The following GADL1 variants were observed in gnomAD, a reference collection of about 807,000 sequenced individuals.
GADL1 encodes GAD like acidic amino acid decarboxylase 1.
A neutral mutation model predicts 69.5 loss-of-function variants in GADL1; 71 were observed. The observed-to-expected ratio is 1.02, with a 90% CI of 0.84 to 1.25. The LOEUF (loss-of-function observed/expected upper bound fraction) is 1.25. Ranked by LOEUF, GADL1 falls within the 50% of genes most tolerant of loss-of-function variation. GADL1 has a pLI of 0.00. For missense variants in GADL1, 737 were observed against 631.8 expected (o/e 1.17, Z -1.79); for synonymous variants, 254 against 214.4 (o/e 1.18, Z -1.62).
chr3:30,884,991 T>C (rs1378843186), intron 1 of GADL1, among the ~76,000 whole-genome samples: 1 of 152,054 alleles, frequency 6.6e-6, no homozygotes, highest in African/African-American at 2.4e-5. Context: ...ATCAGAATAA[T>C]GTTCAAACTT....
chr3:30,889,891 A>C (rs1698764118), intron 1 of GADL1, among the ~76,000 whole-genome samples: 2 of 152,234 alleles, frequency 1.3e-5, no homozygotes, highest in Non-Finnish European at 2.9e-5. Flanking sequence ...CATAAGAATC[A>C]GAAATATAAT....
intron 1 of GADL1, among the ~76,000 whole-genome samples, chr3:30,889,865 G>A (rs7648010): frequency 0.03 from 4,576 of 152,170 alleles, 194 homozygotes; most frequent in African/African-American, 0.094. Flanking sequence ...CCTTGTAAAA[G>A]CAATGCAAAT....
chr3:30,756,581 G>C (rs370335394), intron 14 of GADL1, among the ~76,000 whole-genome samples: 1 of 151,934 alleles, frequency 6.6e-6, no homozygotes, highest in African/African-American at 2.4e-5. Context: ...AGAAGTAATC[G>C]TGTGCTAAAT....
intron 14 of GADL1, among the ~76,000 whole-genome samples, chr3:30,764,519 T>A (rs976236051): frequency 2.0e-5 from 3 of 152,210 alleles, no homozygotes; most frequent in Admixed American, 6.5e-5. Context: ...TCTTTCGTAC[T>A]ACTTGGTCCC....
At chr3:30,874,589 G>T (rs1266190497) in intron 1 of GADL1, among the ~76,000 whole-genome samples, 1 of 151,952 alleles carries the variant, frequency 6.6e-6, no homozygotes. Context: ...CACAGAGATT[G>T]CTTGAAGCCT....
chr3:30,805,057 A>T (rs1019329870), intron 11 of GADL1, among the ~76,000 whole-genome samples: 3 of 152,230 alleles, frequency 2.0e-5, no homozygotes, highest in African/African-American at 7.2e-5. Flanking sequence ...CCCTCTTTGC[A>T]ATCACAACAC....
intron 11 of GADL1, among the ~76,000 whole-genome samples, chr3:30,803,015 C>T (rs1003649577): frequency 6.6e-6 from 1 of 152,166 alleles, no homozygotes; most frequent in Non-Finnish European, 1.5e-5. Flanking sequence ...TCACTTGAGC[C>T]CATGAGGTCG....
intron 14 of GADL1, among the ~76,000 whole-genome samples, chr3:30,771,358 G>A (rs1319629577): frequency 6.6e-6 from 1 of 152,146 alleles, no homozygotes; most frequent in Admixed American, 6.5e-5. Flanking sequence ...CTACCTGACA[G>A]AATACTTAAA....
intron 14 of GADL1, among the ~76,000 whole-genome samples, chr3:30,764,865 C>T (rs890812079): frequency 6.6e-6 from 1 of 152,134 alleles, no homozygotes; most frequent in Admixed American, 6.5e-5. Context: ...GTGGCACTGC[C>T]AACATTTGAA....
At chr3:30,886,608 G>A (rs1346847001) in intron 1 of GADL1, among the ~76,000 whole-genome samples, 1 of 152,168 alleles carries the variant, frequency 6.6e-6, no homozygotes, top group African/African-American at 2.4e-5. Context: ...GTTGGAGCCT[G>A]TTGAGGTAGA....
At chr3:30,803,664 A>T (rs1205972650) in intron 11 of GADL1, among the ~76,000 whole-genome samples, 1 of 152,210 alleles carries the variant, frequency 6.6e-6, no homozygotes, top group Non-Finnish European at 1.5e-5. Flanking sequence ...GGCACTAAAA[A>T]ATTCTGCCTT....
chr3:30,844,464 A>T lies in GADL1; in HGVS notation c.654T>A (p.Cys218Ter). 1 of 1,604,372 alleles carries T rather than the reference A, an allele frequency of 6.2e-7. No homozygotes were observed. The highest frequency in any genetic ancestry group is 1.1e-5 in the South Asian group (1 of 90,842). Residue 218 changes from cysteine to a stop codon, truncating the protein, a stop_gained and splice_region_variant, in exon 7 of 15, where the codon TGT becomes TGA. Transcript: ENST00000282538. LOFTEE classifies it high-confidence loss of function. ...PRLILFTSAECHYSMKKAASF... is the reference protein window; with the variant it reads ...PRLILFTSAE ...AGGCTGCCTTCTTCATAGAGTAATG[A>T]CACTGAATTCAAAGGGACAGTGGGG...
chr3:30,823,130 A>G (rs973234693), intron 11 of GADL1, among the ~76,000 whole-genome samples: 9 of 152,028 alleles, frequency 5.9e-5, no homozygotes, highest in African/African-American at 1.9e-4. Flanking sequence ...TCCACAAGAC[A>G]GGGATATAAA....
At chr3:30,823,356 A>G (rs1697623816) in intron 11 of GADL1, among the ~76,000 whole-genome samples, 1 of 152,010 alleles carries the variant, frequency 6.6e-6, no homozygotes, top group Non-Finnish European at 1.5e-5. Context: ...TTCAGGAAAC[A>G]AAATTCAAAA....
intron 1 of GADL1, among the ~76,000 whole-genome samples, chr3:30,862,127 GA>G (rs541107610): frequency 1.3e-5 from 2 of 151,628 alleles, no homozygotes; most frequent in East Asian, 1.9e-4. Context: ...GTTTGAAGTT[GA>G]AAAAAAATGT....
chr3:30,789,110 G>C (rs1365550350), intron 12 of GADL1, among the ~76,000 whole-genome samples: 1 of 152,132 alleles, frequency 6.6e-6, no homozygotes, highest in African/African-American at 2.4e-5. Flanking sequence ...AGGAATCACT[G>C]ATATCACGGC....
At chr3:30,741,191 T>C (rs1479567396) in intron 14 of GADL1, among the ~76,000 whole-genome samples, 10 of 80,948 alleles carry the variant, frequency 1.2e-4, no homozygotes, top group East Asian at 7.2e-4. Context: ...TATATAATTA[T>C]GTGTGTGTGT....
chr3:30,777,444 C>T (rs938713680), intron 14 of GADL1, among the ~76,000 whole-genome samples: 6 of 152,134 alleles, frequency 3.9e-5, no homozygotes, highest in African/African-American at 1.4e-4. Context: ...CAGTGAAACT[C>T]CCATGGGTTC....
At chr3:30,819,849 T>TC (rs1159687679) in intron 11 of GADL1, among the ~76,000 whole-genome samples, 28 of 152,012 alleles carry the variant, frequency 1.8e-4, no homozygotes, top group African/African-American at 6.8e-4. Context: ...CAAAATATAT[T>TC]TGAGAAAATA....
Sources: gnomAD v4.1 joint callset for allele counts (sites outside exome capture counted in the v4.1 genomes callset) on GRCh38, gnomAD v4.1.1 for gene constraint, MANE v1.5 for transcripts, NCBI Gene and HGNC (gene_info 2026-07-23, HGNC 2026-07-21) for gene names.